The following BANK1 variants were observed in gnomAD, a reference collection of about 807,000 sequenced individuals.
BANK1 encodes B-cell scaffold protein with ankyrin repeats.
In BANK1, 95 loss-of-function variants were observed where a neutral mutation model predicts 94.5. That is an observed-to-expected ratio of 1.00 (90% CI 0.85 to 1.19). The LOEUF is 1.19. Among genes scored for constraint, BANK1 ranks in the 50% most tolerant of loss-of-function variants. The pLI, the probability that BANK1 is intolerant of heterozygous loss-of-function variation, is 0.00. For missense variants in BANK1, 987 were observed against 932.2 expected (o/e 1.06, Z -0.77); for synonymous variants, 334 against 308.4 (o/e 1.08, Z -0.87).
intron 6 of BANK1, among the ~76,000 whole-genome samples, chr4:101,909,413 G>A (rs778809505): frequency 6.6e-6 from 1 of 152,074 alleles, no homozygotes; most frequent in African/African-American, 2.4e-5. Flanking sequence ...TAGGGAGGAG[G>A]GATAGCATTA....
chr4:101,796,409 G>T (rs981214866), intron 1 of BANK1, among the ~76,000 whole-genome samples: 1 of 152,074 alleles, frequency 6.6e-6, no homozygotes, highest in Admixed American at 6.5e-5. Flanking sequence ...TTCAAAAGTT[G>T]TTATTGTTAA....
intron 7 of BANK1, chr4:101,972,417 A>C (rs1560659785): frequency 6.6e-6 from 1 of 152,096 alleles, no homozygotes; most frequent in Admixed American, 6.6e-5. Context: ...GTTCTAACAG[A>C]GAGTCTTTAC....
intron 2 of BANK1, among the ~76,000 whole-genome samples, chr4:101,840,427 C>T (rs887449679): frequency 6.6e-6 from 1 of 152,094 alleles, no homozygotes; most frequent in Non-Finnish European, 1.5e-5. Flanking sequence ...TGGCCATAAA[C>T]AAAATCTCTG....
At chr4:101,983,841 T>G (rs1056985061) in intron 7 of BANK1, among the ~76,000 whole-genome samples, 1 of 152,066 alleles carries the variant, frequency 6.6e-6, no homozygotes, top group African/African-American at 2.4e-5. Flanking sequence ...TTAATTAATT[T>G]GTCAAAAAGT....
chr4:101,848,414 A>T (rs1727339560), intron 2 of BANK1, among the ~76,000 whole-genome samples: 1 of 152,178 alleles, frequency 6.6e-6, no homozygotes, highest in African/African-American at 2.4e-5. Context: ...TCAAACCCAT[A>T]TTTTAATTTT....
At chr4:101,921,225 C>G (rs538765392) in intron 7 of BANK1, among the ~76,000 whole-genome samples, 8 of 151,918 alleles carry the variant, frequency 5.3e-5, no homozygotes, top group Middle Eastern at 3.4e-3. Flanking sequence ...TTTCAAATAT[C>G]TACTCATTTT....
rs180706000 is a variant in BANK1, at chr4:101,901,311, A to G, written c.1009+5901A>G. Reference sequence around the variant, plus strand: ...CACAAAATATCTAAAAACAGATGGGAATGCAGACTGATTGAGACAATGCAA... The same window carrying G: ...CACAAAATATCTAAAAACAGATGGGGATGCAGACTGATTGAGACAATGCAA... On this transcript the variant is annotated intron_variant, in intron 6 of 16. Coordinates refer to ENST00000322953, the MANE Select transcript of BANK1 (RefSeq NM_017935.5). 2.0e-4 allele frequency among the ~76,000 whole-genome samples: 31 copies of G among 152,356 alleles called. No homozygotes were observed. The East Asian group carries it at 5.4e-3, about 27-fold the overall frequency.
intron 6 of BANK1, among the ~76,000 whole-genome samples, chr4:101,906,034 A>G (rs1183291801): frequency 6.6e-6 from 1 of 152,214 alleles, no homozygotes; most frequent in Admixed American, 6.5e-5. Context: ...AAACCAGCCC[A>G]GGTGCCAACC....
intron 6 of BANK1, among the ~76,000 whole-genome samples, chr4:101,895,834 C>T (rs756590496): frequency 2.6e-5 from 4 of 151,678 alleles, no homozygotes; most frequent in Non-Finnish European, 4.4e-5. Context: ...TTATGCTTCC[C>T]GGGGTGATGT....
At chr4:101,858,526 C>T (rs1341010680) in intron 3 of BANK1, among the ~76,000 whole-genome samples, 1 of 152,000 alleles carries the variant, frequency 6.6e-6, no homozygotes, top group East Asian at 1.9e-4. Context: ...ATATCATTTT[C>T]CCTTCCTTTT....
At chr4:101,977,393 AT>A (rs1725173585) in intron 7 of BANK1, among the ~76,000 whole-genome samples, 2 of 152,218 alleles carry the variant, frequency 1.3e-5, no homozygotes, top group African/African-American at 4.8e-5. Context: ...AAAGAGGAGC[AT>A]CAAAATATTT....
At chr4:101,910,453 G>T (rs578057016) in intron 6 of BANK1, among the ~76,000 whole-genome samples, 1 of 151,712 alleles carries the variant, frequency 6.6e-6, no homozygotes, top group Non-Finnish European at 1.5e-5. Context: ...AGGCCGAGGC[G>T]GGCTGATCAC....
intron 7 of BANK1, among the ~76,000 whole-genome samples, chr4:101,974,424 A>G (rs1243722291): frequency 6.6e-6 from 1 of 152,154 alleles, no homozygotes; most frequent in African/African-American, 2.4e-5. Flanking sequence ...AATACCTCCT[A>G]CCTTTTCATC....
chr4:102,002,826 G>C (rs1051510384), intron 7 of BANK1, among the ~76,000 whole-genome samples: 4 of 152,188 alleles, frequency 2.6e-5, no homozygotes, highest in Non-Finnish European at 5.9e-5. Context: ...CCATACTAGA[G>C]TGCAGTGGTG....
intron 5 of BANK1, among the ~76,000 whole-genome samples, chr4:101,892,493 G>A (rs919836140): frequency 1.3e-5 from 2 of 150,386 alleles, no homozygotes; most frequent in African/African-American, 4.9e-5. Flanking sequence ...TTCCAATATT[G>A]TCAATAAATA....
chr4:102,014,516 A>G (rs577935113), intron 7 of BANK1, among the ~76,000 whole-genome samples: 17 of 152,308 alleles, frequency 1.1e-4, no homozygotes, highest in Admixed American at 1.1e-3. Context: ...TATTCCAAGT[A>G]GAATTATTAC....
intron 7 of BANK1, among the ~76,000 whole-genome samples, chr4:101,960,962 A>G (rs1724547215): frequency 6.6e-6 from 1 of 152,170 alleles, no homozygotes; most frequent in Non-Finnish European, 1.5e-5. Context: ...TTTTAAAACC[A>G]ACTTACCTCC....
chr4:101,918,257 A>G (rs542976431), intron 7 of BANK1, 68 bp downstream of exon 7: 1 of 1,119,784 alleles, frequency 8.9e-7, no homozygotes, highest in Non-Finnish European at 1.2e-6. Flanking sequence ...CTGTAAGAAG[A>G]AAAAACCTAT....
chr4:102,065,591 G>A (rs146034787), intron 13 of BANK1, among the ~76,000 whole-genome samples: 25 of 151,942 alleles, frequency 1.6e-4, no homozygotes, highest in Non-Finnish European at 3.7e-4. Context: ...AACTATAGAC[G>A]GAACCTGAGA....
Sources: gnomAD v4.1 joint callset for allele counts (sites outside exome capture counted in the v4.1 genomes callset) on GRCh38, gnomAD v4.1.1 for gene constraint, MANE v1.5 for transcripts, NCBI Gene and HGNC (gene_info 2026-07-23, HGNC 2026-07-21) for gene names.